Variants in NUP160 observed in about 807,000 individuals in gnomAD.
NUP160 encodes nucleoporin 160, also known as nuclear pore complex protein Nup160.
NUP160 carries 94 observed loss-of-function variants against 196.9 expected under a neutral mutation model. The observed-to-expected ratio is 0.48, with a 90% CI of 0.40 to 0.57. The LOEUF is 0.57. Among genes scored for constraint, NUP160 ranks in the 20% least tolerant of loss-of-function variants. The pLI is 0.00. For missense variants in NUP160, 1,638 were observed against 1,748.3 expected (o/e 0.94, Z 1.13); for synonymous variants, 605 against 619.7 (o/e 0.98, Z 0.35).
At chr11:47,829,346 CT>C (rs1216580488) in intron 7 of NUP160, among the ~76,000 whole-genome samples, 3 of 152,196 alleles carry the variant, frequency 2.0e-5, no homozygotes, top group Non-Finnish European at 4.4e-5. Context: ...GAATCTTGCT[CT>C]GTTGCCCAGG....
At chr11:47,780,301 G>A in intron 35 of NUP160, 42 bp downstream of exon 35, 1 of 1,301,608 alleles carries the variant, frequency 7.7e-7, no homozygotes, top group Non-Finnish European at 1.1e-6. Flanking sequence ...AACTGCTAGT[G>A]CAGGGGCTTA....
At chr11:47,807,187 AACATT>A in intron 18 of NUP160, 47 bp from the exon 19 acceptor site, 1 of 1,153,216 alleles carries the variant, frequency 8.7e-7, no homozygotes, top group South Asian at 1.3e-5. Context: ...TCCTATGCTA[AACATT>A]ACTTCTACAA....
chr11:47,784,044 A>G (rs1201721746), intron 33 of NUP160, among the ~76,000 whole-genome samples: 1 of 152,058 alleles, frequency 6.6e-6, no homozygotes, highest in African/African-American at 2.4e-5. Flanking sequence ...AAAACAAAAC[A>G]AAACAAAACA....
At chr11:47,825,242 C>A (rs762537590) in intron 7 of NUP160, among the ~76,000 whole-genome samples, 1 of 151,966 alleles carries the variant, frequency 6.6e-6, no homozygotes, top group African/African-American at 2.4e-5. Flanking sequence ...ATTGCTGGGA[C>A]TGCAGGAGTG....
chr11:47,780,374 C>T (rs373207537), exon 35 of NUP160: 2 of 1,613,654 alleles, frequency 1.2e-6, no homozygotes, highest in Non-Finnish European at 1.7e-6. Context: ...ACTGTTCTCT[C>T]CCAGAGCTTG....
rs992598611 is a variant in NUP160 at position 47,809,257 on chromosome 11, A to AG, written c.2242-729_2242-728insC. On this transcript the variant is annotated intron_variant, in intron 17 of 35. Coordinates refer to ENST00000378460, the Ensembl canonical transcript of NUP160. ...CACAACAGAAGTGAGAACTTGTCTC[A>AG]AAAAAAAAAAAAAAAAAAAGAATTG... is the stretch of plus-strand genomic sequence containing the variant. Among the ~76,000 whole-genome samples the AG allele has an allele frequency of 4.8e-3, 15 of 3,106 alleles. No homozygotes were observed. In the Non-Finnish European group the frequency reaches 0.06, roughly 12 times the overall value. The allele number at this position is 3,106 out of a possible 152,430, so 2.0% of individuals were successfully genotyped here. A position where few individuals can be genotyped will look rare whatever the true frequency, so the allele number is the denominator to read the frequency against.
rs1454117821 is a variant in NUP160, at chr11:47,792,770, T to A, written c.3450+16A>T. 1.9e-6 allele frequency: 3 copies of A among 1,579,114 alleles called. No individual in the cohort carries two copies. The highest frequency in any genetic ancestry group is 2.6e-6 in the Non-Finnish European group (3 of 1,162,352). Reference sequence around the variant, plus strand: ...CAGGATGAACCCCCAAATTCCAGGATGAAATGTTTTCATACCACTGCACCA... The same window carrying A: ...CAGGATGAACCCCCAAATTCCAGGAAGAAATGTTTTCATACCACTGCACCA... On this transcript the variant is annotated intron_variant, in intron 28 of 35. Transcript: ENST00000378460.
exon 31 of NUP160, chr11:47,788,219 G>C (rs1476548381): frequency 1.9e-6 from 3 of 1,613,758 alleles, no homozygotes; most frequent in Non-Finnish European, 2.5e-6. Flanking sequence ...GTTAAGGGAA[G>C]CTTAAAAGTC....
Position 47,798,055 on chromosome 11 carries a change from G to A in NUP160, c.3106C>T (p.Gln1036Ter). 1 of 1,578,554 alleles carries A rather than the reference G, an allele frequency of 6.3e-7. No individual in the cohort carries two copies. Among genetic ancestry groups the A allele is most frequent in the Non-Finnish European group, 8.6e-7 (1 of 1,160,194 alleles). ...CGTTCACAAAGAACTACCACCAACT[G>A]CCGTAAACAATCTAATTGCCTAGAA... is the stretch of plus-strand genomic sequence containing the variant. The change falls in exon 26 of 36, where the codon CAG becomes TAG. Residue 1036 changes from glutamine to a stop codon, truncating the protein, a stop_gained. Coordinates refer to ENST00000378460, the Ensembl canonical transcript of NUP160. LOFTEE classifies it high-confidence loss of function.
At chr11:47,823,789 C>A (rs1279957692) in intron 7 of NUP160, among the ~76,000 whole-genome samples, 1 of 151,890 alleles carries the variant, frequency 6.6e-6, no homozygotes, top group East Asian at 1.9e-4. Context: ...TCCGCCTCAG[C>A]CTCCTAAAGT....
chr11:47,815,383 C>A, intron 13 of NUP160, 96 bp downstream of exon 13: 1 of 908,228 alleles, frequency 1.1e-6, no homozygotes, highest in Non-Finnish European at 1.6e-6. Flanking sequence ...TAACATTCGG[C>A]AAGAGCCACT....
At chr11:47,817,922 G>A in intron 11 of NUP160, 134 bp downstream of exon 11, 2 of 543,362 alleles carry the variant, frequency 3.7e-6, no homozygotes, top group South Asian at 6.6e-5. Flanking sequence ...AATTATAAAA[G>A]TATTTACAAA....
exon 25 of NUP160, chr11:47,798,260 A>C: frequency 1.2e-6 from 2 of 1,602,148 alleles, no homozygotes; most frequent in Non-Finnish European, 1.7e-6. Context: ...TCCTTAGAGT[A>C]GCCTAAATAT....
intron 7 of NUP160, among the ~76,000 whole-genome samples, chr11:47,828,066 G>A (rs529926437): frequency 3.4e-4 from 52 of 152,156 alleles, no homozygotes; most frequent in African/African-American, 1.2e-3. Context: ...ACAGGGTTTC[G>A]CCATGTTGCC....
Position 47,831,842 on chromosome 11 carries a change from C to CAAAAAA in NUP160, c.1101+3803_1101+3808dup, listed in dbSNP as rs372159602. 3.6e-3 allele frequency among the ~76,000 whole-genome samples: 241 copies of CAAAAAA among 66,674 alleles called. 6 individuals carry two copies. Among genetic ancestry groups the CAAAAAA allele is most frequent in the Middle Eastern group, 0.026 (1 of 38 alleles). 43.7% of individuals were successfully genotyped at this position (66,674 alleles called of 152,430 possible). Reference sequence around the variant, plus strand: ...TTAGTGACAAAGCGAGACTCTCTCTCAAAAAAAAAAAAAAAAAAAAAAAAA... The same window carrying CAAAAAA: ...TTAGTGACAAAGCGAGACTCTCTCTCAAAAAAAAAAAAAAAAAAAAAAAAAAAAAAA... On this transcript the variant is annotated intron_variant, in intron 7 of 35. Coordinates refer to ENST00000378460, the Ensembl canonical transcript of NUP160.
At position 47,814,169 on chromosome 11, in the gene NUP160, A is replaced by AAACAAAC. The variant is rs1377750757; in HGVS notation, c.1687-755_1687-754insGTTTGTT. Among the ~76,000 whole-genome samples the AAACAAAC allele has an allele frequency of 5.7e-5, 8 of 139,682 alleles. No homozygotes were observed. In the East Asian group the frequency reaches 1.3e-3, roughly 22 times the overall value. The allele number at this position is 139,682 out of a possible 152,430, so 91.6% of individuals were successfully genotyped here. On this transcript the variant is annotated intron_variant, in intron 13 of 35. Transcript: ENST00000378460. ...ACAAACAAACAAACAAACAAACAAA[A>AAACAAAC]AAAAGAAACAAGCATAGTCTTCAAA... is the stretch of plus-strand genomic sequence containing the variant.
chr11:47,805,479 C>T (rs184286163), intron 20 of NUP160, among the ~76,000 whole-genome samples: 283 of 141,782 alleles, frequency 2.0e-3, no homozygotes, highest in African/African-American at 7.3e-3. Flanking sequence ...GAGTCTCACT[C>T]TGTTGCCCAG....
chr11:47,801,244 C>T (rs2135362093), intron 23 of NUP160, among the ~76,000 whole-genome samples: 1 of 152,242 alleles, frequency 6.6e-6, no homozygotes, highest in East Asian at 1.9e-4. Context: ...AATAAAATAC[C>T]ATGACGAAAA....
intron 8 of NUP160, 132 bp downstream of exon 8, chr11:47,821,955 T>C (rs1385220430): frequency 1.0e-5 from 10 of 984,702 alleles, no homozygotes; most frequent in Non-Finnish European, 1.6e-5. Flanking sequence ...TGGTAAAGTC[T>C]AAATGAAATT....
Sources: gnomAD v4.1 joint callset for allele counts (sites outside exome capture counted in the v4.1 genomes callset) on GRCh38, gnomAD v4.1.1 for gene constraint, MANE v1.5 for transcripts, NCBI Gene and HGNC (gene_info 2026-07-23, HGNC 2026-07-21) for gene names.